Variants in IFNGR2 observed in about 807,000 individuals in gnomAD.
IFNGR2 encodes interferon gamma receptor 2.
In IFNGR2, 15 loss-of-function variants were observed where a neutral mutation model predicts 41.1. The ratio of observed to expected loss-of-function variants is 0.37; its 90% CI spans 0.24 to 0.56. IFNGR2 has a LOEUF of 0.56. Among genes scored for constraint, IFNGR2 ranks in the 20% least tolerant of loss-of-function variants. IFNGR2 has a pLI of 0.81. For synonymous variants in IFNGR2, 161 were observed against 171.6 expected (o/e 0.94, Z 0.48); for missense variants, 362 against 415.7 (o/e 0.87, Z 1.12).
intron 1 of IFNGR2, among the ~76,000 whole-genome samples, chr21:33,409,201 G>T (rs1383525999): frequency 6.6e-6 from 1 of 151,762 alleles, no homozygotes; most frequent in Non-Finnish European, 1.5e-5. Context: ...GGGCTCAGTG[G>T]CTCACACCTG....
At chr21:33,425,974 G>A (rs1387206586) in intron 3 of IFNGR2, among the ~76,000 whole-genome samples, 1 of 152,216 alleles carries the variant, frequency 6.6e-6, no homozygotes, top group Non-Finnish European at 1.5e-5. Flanking sequence ...TTTCTCTGGT[G>A]AATTATACAA....
chr21:33,405,126 AAAAG>A (rs2083669032), intron 1 of IFNGR2, among the ~76,000 whole-genome samples: 1 of 151,914 alleles, frequency 6.6e-6, no homozygotes, highest in Non-Finnish European at 1.5e-5. Flanking sequence ...AAAAAAAAGA[AAAAG>A]AGGAAAAGAC....
chr21:33,436,905 T>C lies in IFNGR2; in HGVS notation c.957T>C (p.Ser319=), dbSNP rs141705742. 3.1e-6 allele frequency: 5 copies of C among 1,613,846 alleles called. No homozygotes were observed. The African/African-American group carries it at 5.3e-5, about 17-fold the overall frequency. The stretch of plus-strand genomic sequence containing the variant: ...CACCAAAGGATGACGTCTGGGACTC[T>C]GTGTCCATTATCTCGTTTCCGGAAA... ...DSSPKDDVWD[S]VSIISFPEKE... The change falls in exon 7 of 7, where the codon TCT becomes TCC. Residue 319 remains serine, a synonymous_variant. Coordinates refer to ENST00000290219, the MANE Select transcript of IFNGR2 (RefSeq NM_005534.4).
chr21:33,423,036 CTTTTTTTT>C (rs1158807047), intron 3 of IFNGR2, among the ~76,000 whole-genome samples: 5 of 117,372 alleles, frequency 4.3e-5, no homozygotes, highest in African/African-American at 1.7e-4. Flanking sequence ...CTTCCCTCTA[CTTTTTTTT>C]TTTTTTTTTT....
chr21:33,430,338 C>T (rs1053396930), intron 4 of IFNGR2, among the ~76,000 whole-genome samples: 1 of 152,250 alleles, frequency 6.6e-6, no homozygotes, highest in African/African-American at 2.4e-5. Flanking sequence ...ATCGTGTCTT[C>T]CTCTGCCCTG....
intron 6 of IFNGR2, 92 bp from the exon 7 acceptor site, chr21:33,436,736 T>TAAA: frequency 9.8e-7 from 1 of 1,022,544 alleles, no homozygotes; most frequent in Non-Finnish European, 1.4e-6. Context: ...AAAATAAAAA[T>TAAA]AAAAATAAAA....
chr21:33,410,250 T>C (rs1040574705), intron 1 of IFNGR2, among the ~76,000 whole-genome samples: 8 of 149,744 alleles, frequency 5.3e-5, no homozygotes, highest in Non-Finnish European at 1.0e-4. Context: ...CACTGCAGCC[T>C]CCACCTCCCA....
intron 3 of IFNGR2, among the ~76,000 whole-genome samples, chr21:33,424,952 C>T (rs1239946321): frequency 6.6e-5 from 10 of 152,184 alleles, no homozygotes; most frequent in Admixed American, 1.3e-4. Context: ...TCTTGTCACC[C>T]GGGCTGGAGT....
intron 4 of IFNGR2, among the ~76,000 whole-genome samples, chr21:33,428,209 A>AT (rs34770974): frequency 0.26 from 36,121 of 140,168 alleles, 7,515 homozygotes; most frequent in African/African-American, 0.58. Flanking sequence ...CTTCTCCTTC[A>AT]TTTTTTTTTT....
At position 33,403,593 on chromosome 21, in the gene IFNGR2, C is replaced by T; in HGVS notation, c.50C>T (p.Ala17Val). The change falls in exon 1 of 7, where the codon GCC (alanine) becomes GTC (valine). Residue 17 changes from alanine (A) to valine (V), a missense_variant. Coordinates refer to ENST00000290219, the MANE Select transcript of IFNGR2 (RefSeq NM_005534.4). Reference sequence around the variant, plus strand: ...CTGCTGCTGCTGCTCGGAGTCTTCGCCGCCGCCGCCGCGGCCCCGCCAGGT... The same window carrying T: ...CTGCTGCTGCTGCTCGGAGTCTTCGTCGCCGCCGCCGCGGCCCCGCCAGGT... ...WSLLLLLGVF[A>V]AAAAAPPDPL... 1 of 1,321,694 alleles carries T rather than the reference C, an allele frequency of 7.6e-7. No homozygotes were observed. The highest frequency in any genetic ancestry group is 1.5e-5 in the African/African-American group (1 of 64,974). The allele number at this position is 1,321,694 out of a possible 1,614,324, so 81.9% of individuals were successfully genotyped here. A position where few individuals can be genotyped will look rare whatever the true frequency, so the allele number is the denominator to read the frequency against.
intron 1 of IFNGR2, among the ~76,000 whole-genome samples, chr21:33,405,117 A>G (rs1250605528): frequency 2.6e-5 from 4 of 152,116 alleles, no homozygotes; most frequent in East Asian, 1.9e-4. Context: ...AAAAAAAAAA[A>G]AAAAAAGAAA....
chr21:33,429,736 A>C (rs929925231), intron 4 of IFNGR2, among the ~76,000 whole-genome samples: 6 of 151,900 alleles, frequency 3.9e-5, no homozygotes, highest in Non-Finnish European at 8.8e-5. Flanking sequence ...CAAAATTCCG[A>C]CTCCCAGAAG....
At chr21:33,408,452 T>C (rs1354116999) in intron 1 of IFNGR2, among the ~76,000 whole-genome samples, 1 of 152,024 alleles carries the variant, frequency 6.6e-6, no homozygotes, top group African/African-American at 2.4e-5. Context: ...TGCCTCAACC[T>C]CCCAAAGTGC....
chr21:33,415,484 C>G (rs943946732), intron 2 of IFNGR2, among the ~76,000 whole-genome samples: 1 of 152,318 alleles, frequency 6.6e-6, no homozygotes. Context: ...TATCCTGGCT[C>G]TTTCATCTGT....
At chr21:33,418,083 C>T (rs1185685839) in intron 2 of IFNGR2, among the ~76,000 whole-genome samples, 4 of 152,000 alleles carry the variant, frequency 2.6e-5, no homozygotes, top group Non-Finnish European at 4.4e-5. Flanking sequence ...AGTGCAGTGG[C>T]GTGATCTCAG....
At chr21:33,409,195 T>C (rs1487514244) in intron 1 of IFNGR2, among the ~76,000 whole-genome samples, 1 of 133,792 alleles carries the variant, frequency 7.5e-6, no homozygotes, top group Non-Finnish European at 1.6e-5. Context: ...GAGGCCGGGC[T>C]CAGTGGCTCA....
At chr21:33,425,658 A>G (rs572438639) in intron 3 of IFNGR2, among the ~76,000 whole-genome samples, 1 of 152,294 alleles carries the variant, frequency 6.6e-6, no homozygotes, top group South Asian at 2.1e-4. Flanking sequence ...CTAGCAGTCA[A>G]TCCACAAACA....
At position 33,403,510 on chromosome 21, in the gene IFNGR2, C is replaced by A; in HGVS notation, c.-34C>A. Reference sequence around the variant, plus strand: ...CCGCGGACCCCGAGCGGGGCCCCGGCCGCGACCTGAGCCGCCGCCGAGCGC... The same window carrying A: ...CCGCGGACCCCGAGCGGGGCCCCGGACGCGACCTGAGCCGCCGCCGAGCGC... On this transcript the variant is annotated 5_prime_UTR_variant, in exon 1 of 7. Transcript: ENST00000290219. 1 of 1,200,464 alleles carries A rather than the reference C, an allele frequency of 8.3e-7. No homozygotes were observed. The highest frequency in any genetic ancestry group is 4.0e-5 in the Admixed American group (1 of 24,922). 74.4% of individuals were successfully genotyped at this position (1,200,464 alleles called of 1,614,324 possible).
In IFNGR2 at chr21:33,426,147, TCACGCCTGTAATCCCAG is replaced by T. The variant is rs1340248353; in HGVS notation, c.413-733_413-717del. ...TTTAAATATAGTATGGGCATGGTGC[TCACGCCTGTAATCCCAG>T]CACTTTGGGAGGCCAAGGCAGGCGG... On this transcript the variant is annotated intron_variant, in intron 3 of 6. Coordinates refer to ENST00000290219, the MANE Select transcript of IFNGR2 (RefSeq NM_005534.4). Among the ~76,000 whole-genome samples, 7 of 148,732 alleles carry T rather than the reference TCACGCCTGTAATCCCAG, an allele frequency of 4.7e-5. No individual in the cohort carries two copies. In the East Asian group the frequency reaches 1.4e-3, roughly 30 times the overall value.
Sources: gnomAD v4.1 joint callset for allele counts (sites outside exome capture counted in the v4.1 genomes callset) on GRCh38, gnomAD v4.1.1 for gene constraint, MANE v1.5 for transcripts, NCBI Gene and HGNC (gene_info 2026-07-23, HGNC 2026-07-21) for gene names.